The following ATF7IP variants were observed in gnomAD, a reference collection of about 807,000 sequenced individuals.
ATF7IP encodes the protein activating transcription factor 7 interacting protein.
ATF7IP carries 23 observed loss-of-function variants against 106.4 expected under a neutral mutation model. The observed-to-expected ratio is 0.22, with a 90% CI of 0.16 to 0.31. The LOEUF (loss-of-function observed/expected upper bound fraction) is 0.31. Among genes scored for constraint, ATF7IP ranks in the 10% least tolerant of loss-of-function variants. The pLI is 1.00. For missense variants in ATF7IP, 1,334 were observed against 1,524.3 expected (o/e 0.88, Z 2.08); for synonymous variants, 542 against 539.0 (o/e 1.01, Z -0.08).
chr12:14,416,511 C>G (rs1941213328), intron 1 of ATF7IP, among the ~76,000 whole-genome samples: 1 of 152,120 alleles, frequency 6.6e-6, no homozygotes, highest in Non-Finnish European at 1.5e-5. Flanking sequence ...ATATTCATTA[C>G]TTTGAATTAA....
chr12:14,468,140 A>G (rs2136755763), intron 10 of ATF7IP, among the ~76,000 whole-genome samples: 2 of 151,774 alleles, frequency 1.3e-5, no homozygotes, highest in East Asian at 3.9e-4. Flanking sequence ...GGTGACGGGC[A>G]CCTGTAATCC....
intron 1 of ATF7IP, chr12:14,419,030 ATATT>A (rs1941354073): frequency 6.6e-6 from 1 of 152,172 alleles, no homozygotes; most frequent in South Asian, 2.1e-4. Context: ...ATTATCCTGA[ATATT>A]TAGTTTATTC....
At chr12:14,402,292 T>C (rs1310078801) in intron 1 of ATF7IP, among the ~76,000 whole-genome samples, 3 of 151,930 alleles carry the variant, frequency 2.0e-5, no homozygotes, top group African/African-American at 7.3e-5. Flanking sequence ...TATACCTGGC[T>C]AATTTTTAAA....
intron 1 of ATF7IP, among the ~76,000 whole-genome samples, chr12:14,384,016 C>A (rs1591766033): frequency 1.3e-5 from 2 of 151,934 alleles, no homozygotes; most frequent in South Asian, 4.2e-4. Flanking sequence ...TACATAAGGA[C>A]CTTTTAAAGA....
At chr12:14,397,681 A>G (rs924033774) in intron 1 of ATF7IP, among the ~76,000 whole-genome samples, 5 of 152,068 alleles carry the variant, frequency 3.3e-5, no homozygotes, top group African/African-American at 1.2e-4. Flanking sequence ...TACTATTTAA[A>G]GAAAGCTCAT....
At chr12:14,409,088 G>A (rs1404821377) in intron 1 of ATF7IP, among the ~76,000 whole-genome samples, 1 of 151,880 alleles carries the variant, frequency 6.6e-6, no homozygotes, top group East Asian at 1.9e-4. Flanking sequence ...AATTTTCCCT[G>A]AGATTTGACA....
chr12:14,415,408 C>G (rs557278985), intron 1 of ATF7IP, among the ~76,000 whole-genome samples: 46 of 152,308 alleles, frequency 3.0e-4, no homozygotes, highest in African/African-American at 1.0e-3. Flanking sequence ...ATTGTAGTGA[C>G]AGTTCTGGCT....
At chr12:14,404,096 A>T (rs1940414991) in intron 1 of ATF7IP, among the ~76,000 whole-genome samples, 1 of 151,268 alleles carries the variant, frequency 6.6e-6, no homozygotes, top group Non-Finnish European at 1.5e-5. Flanking sequence ...TATCAGGAAG[A>T]CAATATGGGC....
chr12:14,472,624 T>C (rs545345445), intron 10 of ATF7IP, among the ~76,000 whole-genome samples: 1 of 152,312 alleles, frequency 6.6e-6, no homozygotes, highest in South Asian at 2.1e-4. Flanking sequence ...CTCAGTCTCC[T>C]TCCTTTTTGA....
intron 1 of ATF7IP, among the ~76,000 whole-genome samples, chr12:14,420,716 C>T (rs1177645566): frequency 1.3e-5 from 2 of 152,196 alleles, no homozygotes; most frequent in African/African-American, 4.8e-5. Context: ...GTGACCTTGT[C>T]TGACTTGAAT....
chr12:14,460,109 TGTAAGGCATTTATAA>T (rs2136719120), intron 8 of ATF7IP, among the ~76,000 whole-genome samples: 1 of 152,364 alleles, frequency 6.6e-6, no homozygotes, highest in South Asian at 2.1e-4. Flanking sequence ...TTACTTGTGT[TGTAAGGCATTTATAA>T]TGTTTTTAAT....
chr12:14,481,997 G>A (rs185691096), intron 13 of ATF7IP: 1 of 152,550 alleles, frequency 6.6e-6, no homozygotes, highest in East Asian at 1.9e-4. Flanking sequence ...ATAAGCAGTA[G>A]TAGAATATAT....
intron 1 of ATF7IP, among the ~76,000 whole-genome samples, chr12:14,378,574 G>A (rs548451575): frequency 2.6e-5 from 4 of 152,310 alleles, no homozygotes; most frequent in South Asian, 2.1e-4. Flanking sequence ...AGATTGAGAT[G>A]AAAGTATTGT....
chr12:14,466,914 T>A (rs1191124867), intron 10 of ATF7IP, among the ~76,000 whole-genome samples: 2 of 152,122 alleles, frequency 1.3e-5, no homozygotes, highest in Non-Finnish European at 2.9e-5. Context: ...CACATGTAAT[T>A]TCTTCCAGGT....
intron 1 of ATF7IP, among the ~76,000 whole-genome samples, chr12:14,371,800 T>C (rs1266484174): frequency 6.6e-6 from 1 of 152,160 alleles, no homozygotes; most frequent in Admixed American, 6.5e-5. Flanking sequence ...TGATTTAGTT[T>C]AGAAGGATTT....
At chr12:14,440,817 C>G (rs548176554) in intron 5 of ATF7IP, among the ~76,000 whole-genome samples, 19 of 152,346 alleles carry the variant, frequency 1.2e-4, no homozygotes, top group African/African-American at 4.6e-4. Flanking sequence ...TCTGCTGTCT[C>G]TATCGATTTA....
intron 6 of ATF7IP, among the ~76,000 whole-genome samples, chr12:14,450,916 T>C (rs1393257746): frequency 6.6e-6 from 1 of 151,948 alleles, no homozygotes. Context: ...GCTGGAATAA[T>C]AGGCCTGCAC....
chr12:14,486,713 C>G (rs1944630634), intron 13 of ATF7IP, among the ~76,000 whole-genome samples: 1 of 152,306 alleles, frequency 6.6e-6, no homozygotes, highest in Non-Finnish European at 1.5e-5. Context: ...CTCTGCTGTC[C>G]ATTACGGTAG....
chr12:14,440,376 A>G (rs181208124), intron 5 of ATF7IP, among the ~76,000 whole-genome samples: 5 of 152,274 alleles, frequency 3.3e-5, no homozygotes, highest in African/African-American at 7.2e-5. Flanking sequence ...AAGTTCCTCA[A>G]TTGTGTACCG....
Sources: gnomAD v4.1 joint callset for allele counts (sites outside exome capture counted in the v4.1 genomes callset) on GRCh38, gnomAD v4.1.1 for gene constraint, MANE v1.5 for transcripts, NCBI Gene and HGNC (gene_info 2026-07-23, HGNC 2026-07-21) for gene names.